The following NRXN3 variants were observed in gnomAD, a reference collection of about 807,000 sequenced individuals.
NRXN3 encodes the protein neurexin 3.
In NRXN3, 32 loss-of-function variants were observed where a neutral mutation model predicts 137.6. The observed-to-expected ratio is 0.23, with a 90% CI of 0.18 to 0.31. The LOEUF is 0.31. NRXN3 is among the 10% of genes least tolerant of loss of function. The pLI, the probability that NRXN3 is intolerant of heterozygous loss-of-function variation, is 1.00. For missense variants in NRXN3, 1,574 were observed against 2,062.5 expected (o/e 0.76, Z 4.59); for synonymous variants, 798 against 784.5 (o/e 1.02, Z -0.29).
At chr14:78,365,331 G>A (rs1256843109) in intron 4 of NRXN3, among the ~76,000 whole-genome samples, 1 of 152,024 alleles carries the variant, frequency 6.6e-6, no homozygotes, top group African/African-American at 2.4e-5. Flanking sequence ...CAAAACAAAG[G>A]TTTATTTGTT....
chr14:78,719,428 A>AGCC (rs1292660489), intron 8 of NRXN3, among the ~76,000 whole-genome samples: 2 of 151,858 alleles, frequency 1.3e-5, no homozygotes, highest in Non-Finnish European at 2.9e-5. Context: ...TAGCAGCAGC[A>AGCC]GCAGCAAAAG....
At chr14:79,535,489 T>A (rs192999444) in intron 16 of NRXN3, among the ~76,000 whole-genome samples, 2 of 152,286 alleles carry the variant, frequency 1.3e-5, no homozygotes, top group African/African-American at 4.8e-5. Context: ...TCTTTTCTTA[T>A]TTTTAAGTTT....
At chr14:79,362,374 A>T (rs2153420112) in intron 15 of NRXN3, among the ~76,000 whole-genome samples, 1 of 150,622 alleles carries the variant, frequency 6.6e-6, no homozygotes, top group Non-Finnish European at 1.5e-5. Flanking sequence ...CTACGTAGTT[A>T]TGTTGAGGGT....
At chr14:79,586,524 C>T (rs2097766267) in intron 16 of NRXN3, among the ~76,000 whole-genome samples, 1 of 152,040 alleles carries the variant, frequency 6.6e-6, no homozygotes, top group African/African-American at 2.4e-5. Flanking sequence ...CATTCAGTTG[C>T]CTTTTCCAGT....
intron 3 of NRXN3, among the ~76,000 whole-genome samples, chr14:78,278,873 C>G (rs2153501217): frequency 6.6e-6 from 1 of 152,344 alleles, no homozygotes; most frequent in Admixed American, 6.5e-5. Flanking sequence ...GGTTCTCATA[C>G]TTAATATAAT....
At chr14:79,277,847 A>T (rs555933468) in intron 15 of NRXN3, among the ~76,000 whole-genome samples, 3 of 152,330 alleles carry the variant, frequency 2.0e-5, no homozygotes, top group African/African-American at 7.2e-5. Flanking sequence ...CAGGGCAGTT[A>T]GGGTGACTGT....
intron 4 of NRXN3, among the ~76,000 whole-genome samples, chr14:78,402,105 A>G (rs1002971582): frequency 2.0e-4 from 31 of 152,364 alleles, no homozygotes; most frequent in African/African-American, 7.0e-4. Context: ...GCTATGCACC[A>G]CTAACCTGCA....
rs370862037 is a variant in NRXN3, at chr14:78,630,597, CT to C, written c.758-14507del. ...TCTTCTTATTTTTCTTTCTTTCTTT[CT>C]TTTTTTTTTTTTTTTGTTGTTTTTG... On this transcript the variant is annotated intron_variant, in intron 4 of 20. Transcript: ENST00000335750. Among the ~76,000 whole-genome samples the C allele has an allele frequency of 9.5e-3, 1,216 of 127,764 alleles. 7 individuals carry two copies. Among genetic ancestry groups the C allele is most frequent in the Middle Eastern group, 0.075 (16 of 212 alleles). 83.8% of individuals were successfully genotyped at this position (127,764 alleles called of 152,430 possible).
intron 8 of NRXN3, among the ~76,000 whole-genome samples, chr14:78,721,938 CTT>C (rs34195710): frequency 4.1e-5 from 6 of 146,682 alleles, no homozygotes; most frequent in Admixed American, 6.8e-5. Flanking sequence ...GATTCAGCCT[CTT>C]TTTTTTTTTA....
At chr14:78,812,567 G>A (rs917803891) in intron 10 of NRXN3, among the ~76,000 whole-genome samples, 1 of 152,120 alleles carries the variant, frequency 6.6e-6, no homozygotes, top group East Asian at 1.9e-4. Flanking sequence ...CACATGATCA[G>A]CCACGGAAAG....
intron 16 of NRXN3, among the ~76,000 whole-genome samples, chr14:79,563,196 A>T (rs975302942): frequency 6.6e-6 from 1 of 152,192 alleles, no homozygotes; most frequent in African/African-American, 2.4e-5. Context: ...CATAGAGAAT[A>T]ATATTAGAGC....
rs780555509 is a variant in NRXN3 at position 79,863,491 on chromosome 14, TCA to T, written c.*1530_*1531del. 82 of 151,604 alleles carry T rather than the reference TCA, an allele frequency of 5.4e-4. No individual in the cohort carries two copies. The highest frequency in any genetic ancestry group is 7.8e-4 in the Non-Finnish European group (53 of 67,920). 9.4% of individuals were successfully genotyped at this position (151,604 alleles called of 1,614,324 possible). ...GAAGAAAGTGTGAATTTTAGTTTTG[TCA>T]CAGTTAACTGTGTCAAAGAGAATTA... On this transcript the variant is annotated 3_prime_UTR_variant, in exon 21 of 21. Transcript: ENST00000335750.
intron 4 of NRXN3, among the ~76,000 whole-genome samples, chr14:78,566,450 G>C (rs1365619836): frequency 6.6e-6 from 1 of 151,990 alleles, no homozygotes; most frequent in Non-Finnish European, 1.5e-5. Context: ...GCTGAGTAAG[G>C]GAAAGCTAAG....
intron 1 of NRXN3, among the ~76,000 whole-genome samples, chr14:78,236,452 C>T (rs575094101): frequency 6.6e-6 from 1 of 152,314 alleles, no homozygotes; most frequent in South Asian, 2.1e-4. Context: ...CATGAATAGA[C>T]TACAATTTAT....
At chr14:79,527,273 G>A (rs1428192897) in intron 16 of NRXN3, among the ~76,000 whole-genome samples, 3 of 118,486 alleles carry the variant, frequency 2.5e-5, no homozygotes, top group South Asian at 2.9e-4. Flanking sequence ...CAGCCTGGGC[G>A]ACAGAGTGAG....
Position 79,299,316 on chromosome 14 carries a change from G to A in NRXN3, c.3263-167905G>A, listed in dbSNP as rs1308048861. ...TGTGAGCTTTTAACTCCACATACCTGAGTGTCACTGATCACTCTCTCAGTA... is the reference window on the plus strand; with the variant it reads ...TGTGAGCTTTTAACTCCACATACCTAAGTGTCACTGATCACTCTCTCAGTA... On this transcript the variant is annotated intron_variant, in intron 15 of 20. Coordinates refer to ENST00000335750, the MANE Select transcript of NRXN3 (RefSeq NM_001330195.2). Among the ~76,000 whole-genome samples, 4 of 151,988 alleles carry A rather than the reference G, an allele frequency of 2.6e-5. No individual in the cohort carries two copies. In the East Asian group the frequency reaches 7.7e-4, roughly 29 times the overall value.
intron 10 of NRXN3, among the ~76,000 whole-genome samples, chr14:78,820,682 C>A (rs1169015384): frequency 6.6e-6 from 1 of 152,002 alleles, no homozygotes; most frequent in Admixed American, 6.6e-5. Context: ...CTCAAGGGAC[C>A]CTGTGGAAAA....
intron 15 of NRXN3, among the ~76,000 whole-genome samples, chr14:79,464,997 T>C (rs2096403059): frequency 6.6e-6 from 1 of 152,216 alleles, no homozygotes; most frequent in Admixed American, 6.5e-5. Context: ...TGATAGAGTA[T>C]GAATTTATCT....
chr14:78,428,752 TAGAC>T (rs1424599819), intron 4 of NRXN3, among the ~76,000 whole-genome samples: 1 of 152,118 alleles, frequency 6.6e-6, no homozygotes, highest in Non-Finnish European at 1.5e-5. Flanking sequence ...CAAAGGCCAT[TAGAC>T]AGGACAGATT....
Sources: gnomAD v4.1 joint callset for allele counts (sites outside exome capture counted in the v4.1 genomes callset) on GRCh38, gnomAD v4.1.1 for gene constraint, MANE v1.5 for transcripts, NCBI Gene and HGNC (gene_info 2026-07-23, HGNC 2026-07-21) for gene names.